NETO2: variants seen among roughly 807,000 people sequenced by gnomAD.
The protein encoded by NETO2 is neuropilin and tolloid like 2, also known as neuropilin and tolloid-like protein 2.
NETO2 carries 28 observed loss-of-function variants against 62.5 expected under a neutral mutation model. The observed-to-expected ratio is 0.45, with a 90% CI of 0.33 to 0.61. The LOEUF is 0.61. Among genes scored for constraint, NETO2 ranks in the 20% least tolerant of loss-of-function variants. The pLI, the probability that NETO2 is intolerant of heterozygous loss-of-function variation, is 0.02. For synonymous variants in NETO2, 214 were observed against 219.1 expected (o/e 0.98, Z 0.21); for missense variants, 548 against 643.2 (o/e 0.85, Z 1.60).
chr16:47,134,999 G>C (rs1469652542), intron 1 of NETO2, among the ~76,000 whole-genome samples: 1 of 152,102 alleles, frequency 6.6e-6, no homozygotes, highest in East Asian at 1.9e-4. Flanking sequence ...GACCAAATGA[G>C]CTGTGCCACT....
At chr16:47,115,716 T>TATATATATACAC (rs1963901944) in intron 6 of NETO2, among the ~76,000 whole-genome samples, 1 of 127,680 alleles carries the variant, frequency 7.8e-6, no homozygotes, top group African/African-American at 3.8e-5. Flanking sequence ...TATATATACA[T>TATATATATACAC]ATATATATAT....
At chr16:47,139,918 T>C (rs1158749520) in intron 1 of NETO2, among the ~76,000 whole-genome samples, 1 of 152,242 alleles carries the variant, frequency 6.6e-6, no homozygotes, top group African/African-American at 2.4e-5. Context: ...CCTTCTAACA[T>C]GATCAGGTCA....
At chr16:47,109,074 T>C (rs1166715373) in intron 7 of NETO2, among the ~76,000 whole-genome samples, 2 of 152,204 alleles carry the variant, frequency 1.3e-5, no homozygotes, top group South Asian at 2.1e-4. Context: ...AGTGTTCCAA[T>C]TGATATGTTA....
chr16:47,108,202 T>G (rs1160313399), intron 7 of NETO2, among the ~76,000 whole-genome samples: 1 of 152,198 alleles, frequency 6.6e-6, no homozygotes, highest in African/African-American at 2.4e-5. Flanking sequence ...AGCAGAATGT[T>G]AATTAATGTA....
At chr16:47,135,746 T>C (rs1964352040) in intron 1 of NETO2, among the ~76,000 whole-genome samples, 1 of 151,600 alleles carries the variant, frequency 6.6e-6, no homozygotes, top group Non-Finnish European at 1.5e-5. Flanking sequence ...TACTTTCCAC[T>C]GTAAAAAATA....
At chr16:47,099,636 G>GA (rs927687834) in intron 7 of NETO2, among the ~76,000 whole-genome samples, 21 of 144,320 alleles carry the variant, frequency 1.5e-4, no homozygotes, top group East Asian at 4.0e-4. Context: ...CAAATGGCAA[G>GA]AAAAAAAAAA....
In NETO2 at chr16:47,085,526, C is replaced by T. The variant is rs545537911; in HGVS notation, c.997+700G>A. Among the ~76,000 whole-genome samples, 13 of 151,978 alleles carry T rather than the reference C, an allele frequency of 8.6e-5. No homozygotes were observed. In the South Asian group the frequency reaches 1.0e-3, roughly 12 times the overall value. ...CCTCCCGAGTAGCTGGGATTACAGG[C>T]GCGTGCCACCACGCCTAGCTGATTT... On this transcript the variant is annotated intron_variant, in intron 8 of 8. Coordinates refer to ENST00000562435, the MANE Select transcript of NETO2 (RefSeq NM_018092.5).
At chr16:47,141,998 C>A (rs1358019340) in intron 1 of NETO2, among the ~76,000 whole-genome samples, 5 of 152,198 alleles carry the variant, frequency 3.3e-5, no homozygotes, top group Admixed American at 6.5e-5. Context: ...TGTGACAGAT[C>A]TACGCGATTT....
intron 7 of NETO2, among the ~76,000 whole-genome samples, chr16:47,107,825 G>C (rs1203420610): frequency 6.6e-6 from 1 of 152,106 alleles, no homozygotes; most frequent in African/African-American, 2.4e-5. Flanking sequence ...ACCCAGGCTG[G>C]AGTGCAGTGG....
chr16:47,127,422 T>C (rs1470004570), intron 4 of NETO2, among the ~76,000 whole-genome samples: 4 of 152,140 alleles, frequency 2.6e-5, no homozygotes, highest in Non-Finnish European at 4.4e-5. Flanking sequence ...GGTGCACTTA[T>C]ATATGTATCT....
chr16:47,124,271 C>T (rs568651792), intron 4 of NETO2, among the ~76,000 whole-genome samples: 7 of 152,136 alleles, frequency 4.6e-5, no homozygotes, highest in South Asian at 2.1e-4. Context: ...AACGGCATGG[C>T]GGAGGGGAAT....
rs557104619 is a variant in NETO2 at position 47,102,883 on chromosome 16, G to T, written c.883+6600C>A. On this transcript the variant is annotated intron_variant, in intron 7 of 8. Transcript: ENST00000562435. Reference sequence around the variant, plus strand: ...TTCAACCATCGTAGAAGAGTATGGAGACTCCTCAAGGATCTAGAACCAGAA... The same window carrying T: ...TTCAACCATCGTAGAAGAGTATGGATACTCCTCAAGGATCTAGAACCAGAA... Among the ~76,000 whole-genome samples, 3 of 152,264 alleles carry T rather than the reference G, an allele frequency of 2.0e-5. No individual in the cohort carries two copies. The South Asian group carries it at 6.2e-4, about 32-fold the overall frequency.
intron 7 of NETO2, among the ~76,000 whole-genome samples, chr16:47,089,305 A>G (rs1424081000): frequency 1.3e-5 from 2 of 152,212 alleles, no homozygotes; most frequent in Non-Finnish European, 2.9e-5. Context: ...AGAAAGCAGA[A>G]AAAAACAATG....
At chr16:47,118,925 T>C (rs1963979102) in intron 6 of NETO2, among the ~76,000 whole-genome samples, 1 of 152,188 alleles carries the variant, frequency 6.6e-6, no homozygotes, top group Non-Finnish European at 1.5e-5. Flanking sequence ...CCTCCATTTA[T>C]AGTTTGTTTC....
At chr16:47,096,215 C>A (rs899408757) in intron 7 of NETO2, among the ~76,000 whole-genome samples, 4 of 152,034 alleles carry the variant, frequency 2.6e-5, no homozygotes, top group African/African-American at 9.7e-5. Context: ...AAAGAAGAAA[C>A]AACTTAGATC....
At chr16:47,115,695 T>C (rs1963897185) in intron 6 of NETO2, among the ~76,000 whole-genome samples, 1 of 119,348 alleles carries the variant, frequency 8.4e-6, no homozygotes, top group Non-Finnish European at 1.6e-5. Flanking sequence ...CCCGGCTAAT[T>C]TTTATATATA....
At chr16:47,118,848 A>G (rs1273034760) in intron 6 of NETO2, among the ~76,000 whole-genome samples, 1 of 152,170 alleles carries the variant, frequency 6.6e-6, no homozygotes, top group Non-Finnish European at 1.5e-5. Context: ...CCTTTATCCT[A>G]TTATCAAACC....
At chr16:47,115,717 A>ATATATATACG (rs1567391596) in intron 6 of NETO2, among the ~76,000 whole-genome samples, 10 of 126,648 alleles carry the variant, frequency 7.9e-5, no homozygotes, top group African/African-American at 3.9e-4. Context: ...ATATATACAT[A>ATATATATACG]TATATATATA....
intron 1 of NETO2, among the ~76,000 whole-genome samples, chr16:47,138,567 T>G (rs1414459747): frequency 6.6e-6 from 1 of 152,198 alleles, no homozygotes; most frequent in Non-Finnish European, 1.5e-5. Flanking sequence ...AACTGGTAAA[T>G]AGTCTTCATT....
Sources: gnomAD v4.1 joint callset for allele counts (sites outside exome capture counted in the v4.1 genomes callset) on GRCh38, gnomAD v4.1.1 for gene constraint, MANE v1.5 for transcripts, NCBI Gene and HGNC (gene_info 2026-07-23, HGNC 2026-07-21) for gene names.